The following OR5B3 variants were observed in gnomAD, a reference collection of about 807,000 sequenced individuals.
OR5B3 encodes olfactory receptor family 5 subfamily B member 3.
For missense variants in OR5B3, 430 were observed against 375.4 expected (o/e 1.15, Z -1.20); for synonymous variants, 150 against 135.0 (o/e 1.11, Z -0.77).
chr11:58,405,429 G>A (rs576021269), intron 1 of OR5B3, among the ~76,000 whole-genome samples: 22 of 152,094 alleles, frequency 1.4e-4, no homozygotes, highest in African/African-American at 4.8e-4. Flanking sequence ...AAAAAAGAAC[G>A]AGATCATCTC....
intron 1 of OR5B3, among the ~76,000 whole-genome samples, chr11:58,406,210 TTAGA>T (rs951495147): frequency 1.5e-4 from 20 of 133,726 alleles, no homozygotes; most frequent in Admixed American, 1.2e-3. Context: ...AGAGAGAGAG[TTAGA>T]TAGTATTATT....
At position 58,403,199 on chromosome 11, in the gene OR5B3, A is replaced by G; in HGVS notation, c.211T>C (p.Tyr71His). 2 of 1,613,950 alleles carry G rather than the reference A, an allele frequency of 1.2e-6. No homozygotes were observed. Among genetic ancestry groups the G allele is most frequent in the Non-Finnish European group, 1.7e-6 (2 of 1,179,870 alleles). Residue 71 changes from tyrosine to histidine, a missense_variant, in exon 2 of 2, where the codon TAC (tyrosine) becomes CAC (histidine). Physicochemically the swap from Tyr to His is moderately conservative, Grantham distance 83. Transcript: ENST00000641865. The part of the protein sequence containing the change: ...LSNLSLVDFC[Y>H]SSAVTPIVMA... ...ACGATGGGAGTGACAGCTGAAGAGT[A>G]GCAAAAGTCCACTAGAGACAAGTTA...
rs1855046510 is a variant in OR5B3 at position 58,402,764 on chromosome 11, A to G, written c.646T>C (p.Tyr216His). The change falls in exon 2 of 2, where the codon TAC becomes CAC. Residue 216 changes from tyrosine to histidine, a missense_variant. Physicochemically the swap from Tyr to His is moderately conservative, Grantham distance 83. Transcript: ENST00000641865. ...AGGATGGTGATAAAAATGAATGTGTAGGATATCAAGATAACCAGGAGAGCT... is the reference window on the plus strand; with the variant it reads ...AGGATGGTGATAAAAATGAATGTGTGGGATATCAAGATAACCAGGAGAGCT... ...FIALLVILIS[Y>H]TFIFITILKM... The G allele has an allele frequency of 1.9e-6, 3 of 1,613,812 alleles. No homozygotes were observed. Among genetic ancestry groups the G allele is most frequent in the Non-Finnish European group, 2.5e-6 (3 of 1,179,956 alleles).
Position 58,402,976 on chromosome 11 carries a change from CCT to C in OR5B3, c.432_433del (p.Ile144MetfsTer19). ...ATTCAGGAAACCACAGAGGTAGGAG[CCT>C]ATGGCCAGACGAGCACACACAGTTG... On this transcript the variant is annotated frameshift_variant, in exon 2 of 2. Coordinates refer to ENST00000641865, the MANE Select transcript of OR5B3 (RefSeq NM_001005469.2). LOFTEE classifies it low-confidence loss of function (END_TRUNC). 1.9e-6 allele frequency: 3 copies of C among 1,614,008 alleles called. No individual in the cohort carries two copies. Among genetic ancestry groups the C allele is most frequent in the Non-Finnish European group, 2.5e-6 (3 of 1,179,946 alleles).
At chr11:58,405,105 G>A (rs895677123) in intron 1 of OR5B3, among the ~76,000 whole-genome samples, 32 of 152,086 alleles carry the variant, frequency 2.1e-4, no homozygotes, top group East Asian at 1.2e-3. Flanking sequence ...ATGTCCATGT[G>A]TTCTCATAAT....
At position 58,402,840 on chromosome 11, in the gene OR5B3, T is replaced by C; in HGVS notation, c.570A>G (p.Arg190=). 1.2e-6 allele frequency: 2 copies of C among 1,613,900 alleles called. No individual in the cohort carries two copies. Among genetic ancestry groups the C allele is most frequent in the Middle Eastern group, 1.7e-4 (1 of 6,056 alleles). The change falls in exon 2 of 2, where the codon AGA becomes AGG. Residue 190 remains arginine, a synonymous_variant. Coordinates refer to ENST00000641865, the MANE Select transcript of OR5B3 (RefSeq NM_001005469.2). ...AAATAAGAACAAGCTCGCTAATATG[T>C]CTATCAGAGCAAGAGAGAACCATGA... ...PAVMVLSCSD[R]HISELVLIYV... is the part of the protein sequence containing the mutation.
In OR5B3 at chr11:58,403,007, T is replaced by C. The variant is rs1291086384; in HGVS notation, c.403A>G (p.Thr135Ala). ...GCCAGACGAGCACACACAGTTGTTG[T>C]CATGGTTGTGGTGTAATGTAGGGGT... is the stretch of plus-strand genomic sequence containing the variant. ...CKPLHYTTTMTTTVCARLAIG... is the reference protein window; with the variant it reads ...CKPLHYTTTMATTVCARLAIG... Residue 135 changes from threonine (T) to alanine (A), a missense_variant, in exon 2 of 2, where the codon ACA (threonine) becomes GCA (alanine). Transcript: ENST00000641865. 1 of 1,614,088 alleles carries C rather than the reference T, an allele frequency of 6.2e-7. No individual in the cohort carries two copies. The highest frequency in any genetic ancestry group is 2.2e-5 in the East Asian group (1 of 44,888).
In OR5B3 at chr11:58,403,275, T is replaced by C. The variant is rs1168390166; in HGVS notation, c.135A>G (p.Val45=). Residue 45 remains valine, a synonymous_variant, in exon 2 of 2, where the codon GTA becomes GTG. Coordinates refer to ENST00000641865, the MANE Select transcript of OR5B3 (RefSeq NM_001005469.2). ...GGAGACAGGAATCCCAGAATATCAA[T>C]ACAATAATTCCCAGGTTTCCAACCA... ...ITLVGNLGII[V]LIFWDSCLHN... The C allele has an allele frequency of 8.7e-6, 14 of 1,613,446 alleles. No homozygotes were observed. The highest frequency in any genetic ancestry group is 1.1e-5 in the Non-Finnish European group (13 of 1,179,582).
In OR5B3 at chr11:58,402,850, C is replaced by CA; in HGVS notation, c.559dup (p.Cys187LeufsTer3). The stretch of plus-strand genomic sequence containing the variant: ...AAGCTCGCTAATATGTCTATCAGAG[C>CA]AAGAGAGAACCATGACTGCTGGAAT... On this transcript the variant is annotated frameshift_variant, in exon 2 of 2. Transcript: ENST00000641865. LOFTEE classifies it low-confidence loss of function (END_TRUNC). 1 of 1,613,866 alleles carries CA rather than the reference C, an allele frequency of 6.2e-7. No homozygotes were observed. Among genetic ancestry groups the CA allele is most frequent in the Non-Finnish European group, 8.5e-7 (1 of 1,179,860 alleles).
chr11:58,403,005 T>C lies in OR5B3; in HGVS notation c.405A>G (p.Thr135=), dbSNP rs759870627. ...TGGCCAGACGAGCACACACAGTTGTTGTCATGGTTGTGGTGTAATGTAGGG... is the reference window on the plus strand; with the variant it reads ...TGGCCAGACGAGCACACACAGTTGTCGTCATGGTTGTGGTGTAATGTAGGG... The part of the protein sequence containing the change: ...CKPLHYTTTM[T]TTVCARLAIG... Residue 135 remains threonine (T), a synonymous_variant, in exon 2 of 2, where the codon ACA becomes ACG. Transcript: ENST00000641865. 26 of 1,614,074 alleles carry C rather than the reference T, an allele frequency of 1.6e-5. No individual in the cohort carries two copies. The highest frequency in any genetic ancestry group is 2.2e-5 in the Non-Finnish European group (26 of 1,179,976).
Position 58,403,178 on chromosome 11 carries a change from T to C in OR5B3, c.232A>G (p.Ile78Val), listed in dbSNP as rs762947575. ...TCTATAAGGAATCCAGCCATGACGA[T>C]GGGAGTGACAGCTGAAGAGTAGCAA... Reference protein sequence around the residue: ...DFCYSSAVTPIVMAGFLIEDK... With the variant: ...DFCYSSAVTPVVMAGFLIEDK... The change falls in exon 2 of 2, where the codon ATC becomes GTC. Residue 78 changes from isoleucine to valine, a missense_variant. By Grantham distance (29) the Ile-to-Val change is conservative. Transcript: ENST00000641865. The C allele has an allele frequency of 6.2e-7, 1 of 1,613,942 alleles. No homozygotes were observed. Among genetic ancestry groups the C allele is most frequent in the East Asian group, 2.2e-5 (1 of 44,876 alleles).
Position 58,403,347 on chromosome 11 carries a change from C to A in OR5B3, c.63G>T (p.Leu21=). ...ILLGLTNDSE[L]QVPLFITFPF... ...GGAACGTTATAAAGAGGGGAACCTG[C>A]AGTTCTGAGTCATTGGTTAGTCCTA... Residue 21 remains leucine, a synonymous_variant, in exon 2 of 2, where the codon CTG becomes CTT. Transcript: ENST00000641865. 6.2e-7 allele frequency: 1 copy of A among 1,611,748 alleles called. No homozygotes were observed. The highest frequency in any genetic ancestry group is 8.5e-7 in the Non-Finnish European group (1 of 1,178,636).
rs780953781 is a variant in OR5B3 at position 58,403,199 on chromosome 11, A to T, written c.211T>A (p.Tyr71Asn). 11 of 1,613,950 alleles carry T rather than the reference A, an allele frequency of 6.8e-6. No homozygotes were observed. Among genetic ancestry groups the T allele is most frequent in the Middle Eastern group, 1.7e-4 (1 of 6,058 alleles). Residue 71 changes from tyrosine (Y) to asparagine (N), a missense_variant, in exon 2 of 2, where the codon TAC (tyrosine) becomes AAC (asparagine). Coordinates refer to ENST00000641865, the MANE Select transcript of OR5B3 (RefSeq NM_001005469.2). Reference protein sequence around the residue: ...LSNLSLVDFCYSSAVTPIVMA... With the variant: ...LSNLSLVDFCNSSAVTPIVMA... Reference sequence around the variant, plus strand: ...ACGATGGGAGTGACAGCTGAAGAGTAGCAAAAGTCCACTAGAGACAAGTTA... The same window carrying T: ...ACGATGGGAGTGACAGCTGAAGAGTTGCAAAAGTCCACTAGAGACAAGTTA...
chr11:58,404,521 C>T (rs1274729554), intron 1 of OR5B3, among the ~76,000 whole-genome samples: 2 of 151,366 alleles, frequency 1.3e-5, no homozygotes, highest in African/African-American at 2.4e-5. Context: ...GAAGCTCCCA[C>T]CTCCAATTTT....
In OR5B3 at chr11:58,403,042, G is replaced by A; in HGVS notation, c.368C>T (p.Ala123Val). ...GGTGTAATGTAGGGGTTTGCACACT[G>A]CTGCATAGCGGTCATAGGCCATTGA... Reference protein sequence around the residue: ...LASMAYDRYAAVCKPLHYTTT... With the variant: ...LASMAYDRYAVVCKPLHYTTT... The change falls in exon 2 of 2, where the codon GCA becomes GTA. Residue 123 changes from alanine to valine, a missense_variant. Coordinates refer to ENST00000641865, the MANE Select transcript of OR5B3 (RefSeq NM_001005469.2). 1 of 1,614,084 alleles carries A rather than the reference G, an allele frequency of 6.2e-7. No homozygotes were observed. Among genetic ancestry groups the A allele is most frequent in the Non-Finnish European group, 8.5e-7 (1 of 1,179,950 alleles).
At chr11:58,406,496 G>T (rs7128411) in intron 1 of OR5B3, among the ~76,000 whole-genome samples, 47,972 of 147,414 alleles carry the variant, frequency 0.33, 7,712 homozygotes, top group Non-Finnish European at 0.37. Context: ...TTTGTTTTTG[G>T]TTTTTTTTTT....
rs187220391 is a variant in OR5B3 at position 58,403,809 on chromosome 11, T to C, written c.-26-374A>G. 2.9e-4 allele frequency among the ~76,000 whole-genome samples: 44 copies of C among 152,326 alleles called. 1 individual carries two copies. The highest frequency in any genetic ancestry group is 2.8e-3 in the Admixed American group (43 of 15,286). On this transcript the variant is annotated intron_variant, in intron 1 of 1. Coordinates refer to ENST00000641865, the MANE Select transcript of OR5B3 (RefSeq NM_001005469.2). The stretch of plus-strand genomic sequence containing the variant: ...AGAACTTCTCTAGACATTTAAGATA[T>C]ATATTCATTATTTCCTTTCTACAAT...
chr11:58,404,341 G>A (rs1855074101), intron 1 of OR5B3, among the ~76,000 whole-genome samples: 1 of 101,406 alleles, frequency 9.9e-6, no homozygotes, highest in East Asian at 2.3e-4. Context: ...GTATTATTGT[G>A]AGAATTAAAT....
Position 58,402,710 on chromosome 11 carries a change from T to G in OR5B3, c.700A>C (p.Lys234Gln). ...TGAGAGGCACAGGTGGACAAAGGCT[T>G]CTGGTATACTGAAGCTGAGTGCATC... ...LKMHSASVYQ[K>Q]PLSTCASHFI... The change falls in exon 2 of 2, where the codon AAG becomes CAG. Residue 234 changes from lysine to glutamine, a missense_variant. Lys to Gln is a moderately conservative substitution (Grantham distance 53). Coordinates refer to ENST00000641865, the MANE Select transcript of OR5B3 (RefSeq NM_001005469.2). 6.2e-7 allele frequency: 1 copy of G among 1,613,898 alleles called. No homozygotes were observed. The highest frequency in any genetic ancestry group is 8.5e-7 in the Non-Finnish European group (1 of 1,179,904).
Sources: gnomAD v4.1 joint callset for allele counts (sites outside exome capture counted in the v4.1 genomes callset) on GRCh38, gnomAD v4.1.1 for gene constraint, MANE v1.5 for transcripts, NCBI Gene and HGNC (gene_info 2026-07-23, HGNC 2026-07-21) for gene names.